LARP4B: variants seen among roughly 807,000 people sequenced by gnomAD.
The protein encoded by LARP4B is la-related protein 4B.
A neutral mutation model predicts 89.8 loss-of-function variants in LARP4B; 12 were observed. The observed-to-expected ratio is 0.13, with a 90% CI of 0.09 to 0.22. LARP4B has a LOEUF of 0.22. Ranked by LOEUF, LARP4B falls within the 10% of genes least tolerant of loss-of-function variation. The probability of loss-of-function intolerance (pLI) is 1.00; values close to 1 mark genes in which losing one functional copy is unlikely to be tolerated. For missense variants in LARP4B, 757 were observed against 947.7 expected, an observed-to-expected ratio of 0.80 and a Z score of 2.64; for synonymous variants, 367 against 363.3, an observed-to-expected ratio of 1.01 and a Z score of -0.12.
At chr10:945,377 C>G in the LARP4B span, among the ~76,000 whole-genome samples, 1 of 136,106 alleles carries the variant, frequency 7.3e-6, no homozygotes, top group African/African-American at 2.8e-5. Flanking sequence ...GAGTGAGACT[C>G]TGTCTCAAAA....
intron 13 of LARP4B, 42 bp from the exon 14 acceptor site, chr10:820,887 T>C: frequency 1.3e-6 from 2 of 1,580,906 alleles, no homozygotes; most frequent in African/African-American, 2.7e-5. Flanking sequence ...TTTTTCCCAC[T>C]TGGAGAATTT....
chr10:870,808 C>A (rs1299017088), intron 3 of LARP4B, among the ~76,000 whole-genome samples: 1 of 152,194 alleles, frequency 6.6e-6, no homozygotes, highest in Non-Finnish European at 1.5e-5. Flanking sequence ...AAATTCCCTT[C>A]CATTTTGGGC....
intron 1 of LARP4B, among the ~76,000 whole-genome samples, chr10:913,903 G>C (rs902610611): frequency 6.6e-6 from 1 of 150,764 alleles, no homozygotes; most frequent in African/African-American, 2.4e-5. Flanking sequence ...AGTAAGGCTG[G>C]GTCTCAAAAA....
At chr10:858,491 T>G (rs1834422216) in intron 5 of LARP4B, among the ~76,000 whole-genome samples, 1 of 152,186 alleles carries the variant, frequency 6.6e-6, no homozygotes, top group Non-Finnish European at 1.5e-5. Context: ...TCAACAATGT[T>G]ATCTTAGATA....
chr10:905,948 T>C (rs1383302103), intron 1 of LARP4B, among the ~76,000 whole-genome samples: 1 of 152,240 alleles, frequency 6.6e-6, no homozygotes, highest in Non-Finnish European at 1.5e-5. Context: ...CTCAGCCTCT[T>C]GGGAATGCTC....
At chr10:947,411 A>G in the LARP4B span, among the ~76,000 whole-genome samples, 6,385 of 152,186 alleles carry the variant, frequency 0.042, 173 homozygotes, top group Admixed American at 0.08. Flanking sequence ...TTCTGAGGCC[A>G]TCACAACCCC....
intron 1 of LARP4B, among the ~76,000 whole-genome samples, chr10:930,554 T>A (rs1349808006): frequency 6.6e-6 from 1 of 152,128 alleles, no homozygotes; most frequent in Admixed American, 6.5e-5. Flanking sequence ...TACATTCGCA[T>A]GAAGTTTCGA....
rs1832385451 is a variant in LARP4B, at chr10:822,175, G to T, written c.1485-1330C>A. Among the ~76,000 whole-genome samples the T allele has an allele frequency of 6.6e-6, 1 of 152,256 alleles. No individual in the cohort carries two copies. The highest frequency in any genetic ancestry group is 6.5e-5 in the Admixed American group (1 of 15,292). ...AAGGTGGGGCTACAATGACCCATGA[G>T]CAGAGCTAGGGATGCAACCAGATGA... is the stretch of plus-strand genomic sequence containing the variant. On this transcript the variant is annotated intron_variant, in intron 13 of 17. Transcript: ENST00000316157. This position sits in a 1 kb window ranked among gnomAD's most constrained non-coding sequence, Gnocchi z 4.6.
the LARP4B span, among the ~76,000 whole-genome samples, chr10:943,129 CAG>C: frequency 6.6e-6 from 1 of 151,906 alleles, no homozygotes; most frequent in Non-Finnish European, 1.5e-5. Flanking sequence ...GTAATTTTAG[CAG>C]AGACAGGGTT....
chr10:818,159 A>C, intron 14 of LARP4B: 6 of 324,112 alleles, frequency 1.9e-5, no homozygotes, highest in Middle Eastern at 8.8e-4. Context: ...CTATCCACCC[A>C]TGGCTGCCAG....
the LARP4B span, among the ~76,000 whole-genome samples, chr10:980,277 A>G: frequency 8.5e-5 from 13 of 152,126 alleles, no homozygotes. Context: ...TGTAGGGTGC[A>G]AGCTGCTGGT....
chr10:879,730 G>A (rs1038227782), intron 3 of LARP4B, among the ~76,000 whole-genome samples: 2 of 152,112 alleles, frequency 1.3e-5, no homozygotes, highest in African/African-American at 2.4e-5. Context: ...GCCTCCCAAA[G>A]TGCTGGGATT....
At chr10:913,256 C>T (rs766200689) in intron 1 of LARP4B, among the ~76,000 whole-genome samples, 1 of 152,084 alleles carries the variant, frequency 6.6e-6, no homozygotes, top group Non-Finnish European at 1.5e-5. Context: ...TTTTCACTAG[C>T]AAATGAAAAA....
chr10:873,027 A>G, intron 3 of LARP4B: 1 of 985,372 alleles, frequency 1.0e-6, no homozygotes, highest in Non-Finnish European at 1.2e-6. Context: ...TCAAATAATG[A>G]AGACAAAGTT....
the LARP4B span, among the ~76,000 whole-genome samples, chr10:939,809 T>C: frequency 6.6e-6 from 1 of 152,300 alleles, no homozygotes; most frequent in South Asian, 2.1e-4. Context: ...AAAGTGGACA[T>C]TGTTTTTAAT....
At chr10:890,604 G>C (rs116716618) in intron 1 of LARP4B, among the ~76,000 whole-genome samples, 1 of 152,106 alleles carries the variant, frequency 6.6e-6, no homozygotes, top group Non-Finnish European at 1.5e-5. Context: ...CACAGATTTC[G>C]GGAACATCTG....
At chr10:942,738 T>G in the LARP4B span, 2 of 152,124 alleles carry the variant, frequency 1.3e-5, no homozygotes, top group Non-Finnish European at 2.9e-5. Context: ...TGGAAAATTC[T>G]GATAATTTTG....
chr10:935,705 CT>C (rs1225145707), upstream of LARP4B, among the ~76,000 whole-genome samples: 11 of 143,554 alleles, frequency 7.7e-5, no homozygotes, highest in Non-Finnish European at 1.4e-4. Context: ...TTTTCTTTTT[CT>C]TTTTTCTTTT....
At chr10:892,476 A>C (rs1836059920) in intron 1 of LARP4B, among the ~76,000 whole-genome samples, 1 of 152,234 alleles carries the variant, frequency 6.6e-6, no homozygotes, top group Non-Finnish European at 1.5e-5. Context: ...TAAAAATACA[A>C]CACCATCTCA....
Sources: allele counts gnomAD v4.1 joint callset (sites outside exome capture counted in the v4.1 genomes callset), GRCh38; gene constraint gnomAD v4.1.1; non-coding constraint Gnocchi (gnomAD v3.1); transcripts MANE v1.5; gene names NCBI Gene and HGNC (gene_info 2026-07-23, HGNC 2026-07-21).